Variants in MGAT4C observed in about 807,000 individuals in gnomAD.
MGAT4C encodes the protein MGAT4 family member C.
A neutral mutation model predicts 40.1 loss-of-function variants in MGAT4C; 19 were observed. The ratio of observed to expected loss-of-function variants is 0.47; its 90% CI spans 0.33 to 0.70. The LOEUF (loss-of-function observed/expected upper bound fraction) is 0.70, where lower values mean the gene tolerates loss of function less well. Among genes scored for constraint, MGAT4C ranks in the 30% least tolerant of loss-of-function variants. The probability of loss-of-function intolerance (pLI) is 0.02; values close to 1 mark genes in which losing one functional copy is unlikely to be tolerated. For missense variants in MGAT4C, 491 were observed against 563.2 expected, an observed-to-expected ratio of 0.87 and a Z score of 1.30; for synonymous variants, 181 against 187.1, an observed-to-expected ratio of 0.97 and a Z score of 0.27.
chr12:86,525,916 G>A (rs775132612), intron 2 of MGAT4C, among the ~76,000 whole-genome samples: 4 of 152,212 alleles, frequency 2.6e-5, no homozygotes, highest in South Asian at 2.1e-4. Flanking sequence ...AGTGGGATCC[G>A]TCCTCATTCG....
chr12:86,418,487 G>C (rs1956762199), intron 3 of MGAT4C, among the ~76,000 whole-genome samples: 1 of 152,092 alleles, frequency 6.6e-6, no homozygotes, highest in East Asian at 1.9e-4. Context: ...AGCTACTCAG[G>C]AGGCTGGCGC....
At chr12:86,683,871 T>C (rs1950025641) in intron 2 of MGAT4C, among the ~76,000 whole-genome samples, 1 of 152,282 alleles carries the variant, frequency 6.6e-6, no homozygotes, top group South Asian at 2.1e-4. Flanking sequence ...TTGCAGCTGA[T>C]GAGCTGTCTG....
At chr12:86,718,880 A>G (rs1950693699) in intron 2 of MGAT4C, among the ~76,000 whole-genome samples, 1 of 152,022 alleles carries the variant, frequency 6.6e-6, no homozygotes, top group African/African-American at 2.4e-5. Flanking sequence ...ATTCTTTTCT[A>G]TGAAACTAGT....
intron 2 of MGAT4C, among the ~76,000 whole-genome samples, chr12:86,724,100 AC>A (rs1950782459): frequency 6.6e-6 from 1 of 152,046 alleles, no homozygotes; most frequent in Non-Finnish European, 1.5e-5. Flanking sequence ...GTATAAAAAA[AC>A]ATTTTCATAG....
intron 2 of MGAT4C, among the ~76,000 whole-genome samples, chr12:86,540,736 C>CAAAAAGAGAGAGAG (rs534305789): frequency 6.7e-6 from 1 of 149,136 alleles, no homozygotes; most frequent in African/African-American, 2.4e-5. Context: ...ACTCCATCTC[C>CAAAAAGAGAGAGAG]AGAAAGAGAG....
chr12:86,813,793 C>A, intron 1 of MGAT4C, among the ~76,000 whole-genome samples: 1 of 152,098 alleles, frequency 6.6e-6, no homozygotes, highest in East Asian at 1.9e-4. Context: ...TTTTACAAAT[C>A]TTCTCTTCCA....
chr12:86,247,260 A>G (rs1952077043), intron 1 of MGAT4C, among the ~76,000 whole-genome samples: 1 of 152,100 alleles, frequency 6.6e-6, no homozygotes, highest in African/African-American at 2.4e-5. Context: ...AGTCCACTCA[A>G]ATTTTATTTC....
At chr12:86,154,865 A>T (rs999586541) in intron 1 of MGAT4C, among the ~76,000 whole-genome samples, 4 of 152,088 alleles carry the variant, frequency 2.6e-5, no homozygotes, top group African/African-American at 9.7e-5. Context: ...TACTGAGGAG[A>T]CTGTGCCGAA....
chr12:86,664,926 A>G (rs1249149474), intron 2 of MGAT4C, among the ~76,000 whole-genome samples: 4 of 152,152 alleles, frequency 2.6e-5, no homozygotes, highest in Non-Finnish European at 5.9e-5. Context: ...GTTGTGTCAT[A>G]ATATCTGAAT....
intron 2 of MGAT4C, among the ~76,000 whole-genome samples, chr12:86,509,129 C>CT (rs1958526108): frequency 1.3e-5 from 2 of 152,226 alleles, no homozygotes; most frequent in South Asian, 4.2e-4. Flanking sequence ...ACATGAAGTC[C>CT]TTGACCATGC....
intron 2 of MGAT4C, among the ~76,000 whole-genome samples, chr12:86,619,685 A>G (rs1357520137): frequency 6.6e-6 from 1 of 151,826 alleles, no homozygotes; most frequent in Admixed American, 6.6e-5. Flanking sequence ...TATACAGCTT[A>G]GTTTATTCTT....
intron 1 of MGAT4C, among the ~76,000 whole-genome samples, chr12:86,054,346 A>G (rs1893184265): frequency 6.6e-6 from 1 of 152,062 alleles, no homozygotes; most frequent in South Asian, 2.1e-4. Context: ...TGTTCTCACT[A>G]GTATGTGGGA....
intron 2 of MGAT4C, among the ~76,000 whole-genome samples, chr12:86,576,238 G>C (rs376041028): frequency 1.3e-5 from 2 of 151,794 alleles, no homozygotes; most frequent in African/African-American, 4.8e-5. Flanking sequence ...TTAATCCCTT[G>C]TCAGAGAGGT....
chr12:86,641,242 AATC>A (rs1963376866), intron 2 of MGAT4C, among the ~76,000 whole-genome samples: 1 of 151,718 alleles, frequency 6.6e-6, no homozygotes, highest in Admixed American at 6.6e-5. Context: ...AATTGGAAAT[AATC>A]ATTCTCAGTA....
At chr12:86,645,167 T>C (rs1963505089) in intron 2 of MGAT4C, among the ~76,000 whole-genome samples, 1 of 151,632 alleles carries the variant, frequency 6.6e-6, no homozygotes, top group South Asian at 2.1e-4. Flanking sequence ...GTATATGATG[T>C]AAAAAATATA....
chr12:86,647,032 A>G (rs903476853), intron 2 of MGAT4C, among the ~76,000 whole-genome samples: 3 of 151,856 alleles, frequency 2.0e-5, no homozygotes, highest in Admixed American at 2.0e-4. Flanking sequence ...ACGTTGGACT[A>G]TCACGTAATG....
chr12:86,233,764 C>T (rs779788331), intron 1 of MGAT4C, among the ~76,000 whole-genome samples: 1 of 151,946 alleles, frequency 6.6e-6, no homozygotes, highest in Non-Finnish European at 1.5e-5. Flanking sequence ...ATTTTTTGAG[C>T]TGAATTATCC....
chr12:86,686,863 G>A (rs895301746), intron 2 of MGAT4C, among the ~76,000 whole-genome samples: 3 of 152,228 alleles, frequency 2.0e-5, no homozygotes, highest in African/African-American at 7.2e-5. Flanking sequence ...ATGTGTTAGG[G>A]AGGAGTCCCT....
At chr12:86,325,617 C>G (rs985727435) in intron 4 of MGAT4C, among the ~76,000 whole-genome samples, 6 of 152,126 alleles carry the variant, frequency 3.9e-5, no homozygotes, top group Admixed American at 2.6e-4. Context: ...GTGGCTCACA[C>G]CTGTAATCCC....
Sources: gnomAD v4.1 joint callset for allele counts (sites outside exome capture counted in the v4.1 genomes callset) on GRCh38, gnomAD v4.1.1 for gene constraint, MANE v1.5 for transcripts, NCBI Gene and HGNC (gene_info 2026-07-23, HGNC 2026-07-21) for gene names.